Variants in MCU observed in about 807,000 individuals in gnomAD.
MCU encodes the protein calcium uniporter protein, mitochondrial.
A neutral mutation model predicts 45.2 loss-of-function variants in MCU; 12 were observed. That is an observed-to-expected ratio of 0.27 (90% CI 0.17 to 0.43). The LOEUF (loss-of-function observed/expected upper bound fraction) is 0.43. MCU is among the 20% of genes least tolerant of loss of function. MCU has a pLI of 1.00. For synonymous variants in MCU, 160 were observed against 165.1 expected (o/e 0.97, Z 0.24); for missense variants, 324 against 436.7 (o/e 0.74, Z 2.30).
In MCU at chr10:72,714,345, C is replaced by CTTTTT. The variant is rs1160353409; in HGVS notation, c.150+22063_150+22067dup. 4.7e-3 allele frequency among the ~76,000 whole-genome samples: 255 copies of CTTTTT among 54,738 alleles called. 50 individuals carry two copies. The highest frequency in any genetic ancestry group is 6.6e-3 in the Non-Finnish European group (165 of 25,178). 35.9% of individuals were successfully genotyped at this position (54,738 alleles called of 152,430 possible). A position where few individuals can be genotyped will look rare whatever the true frequency, so the allele number is the denominator to read the frequency against. ...TTACTTCAGTTCCCCCCGCCCTGGT[C>CTTTTT]TTTTTTTTTTTTTTTTTTTTTTTAA... On this transcript the variant is annotated intron_variant, in intron 1 of 7. Transcript: ENST00000373053.
intron 1 of MCU, among the ~76,000 whole-genome samples, chr10:72,754,166 T>C (rs149151324): frequency 1.2e-4 from 18 of 152,248 alleles, no homozygotes; most frequent in African/African-American, 4.1e-4. Flanking sequence ...AAGCAGTAAC[T>C]TGGGGACCTG....
At chr10:72,769,663 T>C (rs531343394) in intron 1 of MCU, among the ~76,000 whole-genome samples, 1 of 152,300 alleles carries the variant, frequency 6.6e-6, no homozygotes, top group Non-Finnish European at 1.5e-5. Context: ...GTAACCCATT[T>C]CAATGGTTTT....
intron 1 of MCU, among the ~76,000 whole-genome samples, chr10:72,777,189 A>G (rs548213141): frequency 6.6e-6 from 1 of 152,346 alleles, no homozygotes; most frequent in East Asian, 1.9e-4. Context: ...CTTCACAGAA[A>G]TAGGGAAAAA....
chr10:72,861,192 A>AT (rs1319781851), intron 4 of MCU, among the ~76,000 whole-genome samples: 2 of 151,364 alleles, frequency 1.3e-5, no homozygotes, highest in Admixed American at 1.3e-4. Context: ...TGCCTGGATA[A>AT]TTTTTTTTCT....
At chr10:72,748,086 C>T (rs908360329) in intron 1 of MCU, among the ~76,000 whole-genome samples, 73 of 149,204 alleles carry the variant, frequency 4.9e-4, no homozygotes, top group African/African-American at 1.5e-3. Flanking sequence ...CTTGCTCTGT[C>T]GCCCAGGCTG....
At chr10:72,847,545 T>C (rs1335168654) in intron 2 of MCU, among the ~76,000 whole-genome samples, 1 of 152,210 alleles carries the variant, frequency 6.6e-6, no homozygotes, top group Admixed American at 6.5e-5. Context: ...GGTTCTGTAC[T>C]ATCTGCAGCT....
chr10:72,873,038 A>G (rs1255477363), intron 6 of MCU, among the ~76,000 whole-genome samples: 12 of 45,920 alleles, frequency 2.6e-4, no homozygotes, highest in African/African-American at 1.1e-3. Context: ...TTTTTTTTTG[A>G]GATGGAGTCT....
chr10:72,781,088 A>G (rs1032127849), intron 1 of MCU, among the ~76,000 whole-genome samples: 1 of 152,218 alleles, frequency 6.6e-6, no homozygotes, highest in Non-Finnish European at 1.5e-5. Context: ...GAATTGGAAC[A>G]CTGTAGTGGG....
At chr10:72,760,320 G>C (rs1335823887) in intron 1 of MCU, among the ~76,000 whole-genome samples, 2 of 151,668 alleles carry the variant, frequency 1.3e-5, no homozygotes, top group Non-Finnish European at 2.9e-5. Flanking sequence ...CAAAGTATGG[G>C]GATTACAGGT....
At chr10:72,852,617 C>T (rs74145977) in intron 2 of MCU, among the ~76,000 whole-genome samples, 6,065 of 152,200 alleles carry the variant, frequency 0.04, 396 homozygotes, top group African/African-American at 0.14. Context: ...CAGCCTGAGG[C>T]GGCCTCTAAA....
intron 1 of MCU, among the ~76,000 whole-genome samples, chr10:72,701,463 A>G (rs900076216): frequency 5.9e-5 from 9 of 152,050 alleles, no homozygotes; most frequent in Admixed American, 1.3e-4. Context: ...CTCCTTTAGC[A>G]TGTTCTTCCT....
At chr10:72,717,418 C>T (rs1842968442) in intron 1 of MCU, among the ~76,000 whole-genome samples, 1 of 152,034 alleles carries the variant, frequency 6.6e-6, no homozygotes, top group Non-Finnish European at 1.5e-5. Context: ...GCCACCACGC[C>T]CGCTTAATTT....
At chr10:72,780,678 T>G (rs1843979125) in intron 1 of MCU, among the ~76,000 whole-genome samples, 1 of 152,088 alleles carries the variant, frequency 6.6e-6, no homozygotes, top group Non-Finnish European at 1.5e-5. Flanking sequence ...ACTCAGAGCT[T>G]CTCTCCTGCT....
intron 1 of MCU, among the ~76,000 whole-genome samples, chr10:72,812,084 CTT>C (rs34921881): frequency 1.3e-4 from 19 of 148,726 alleles, no homozygotes; most frequent in African/African-American, 2.2e-4. Flanking sequence ...GTTTATAGTG[CTT>C]TTTTTTTTTA....
intron 1 of MCU, among the ~76,000 whole-genome samples, chr10:72,785,151 C>T (rs1022935216): frequency 2.6e-5 from 4 of 152,174 alleles, no homozygotes; most frequent in Admixed American, 2.0e-4. Flanking sequence ...ATTACACAGT[C>T]GGCGAAGCAA....
intron 2 of MCU, among the ~76,000 whole-genome samples, chr10:72,845,719 A>G (rs372740271): frequency 6.6e-5 from 10 of 152,318 alleles, no homozygotes; most frequent in African/African-American, 2.4e-4. Flanking sequence ...TCACCTAATG[A>G]TGCATTTCTC....
chr10:72,787,559 G>A (rs756902561), intron 1 of MCU, among the ~76,000 whole-genome samples: 9 of 152,116 alleles, frequency 5.9e-5, no homozygotes, highest in Non-Finnish European at 1.2e-4. Context: ...ATGAGCCACC[G>A]TGGCCAGCCA....
At chr10:72,850,532 C>T (rs970619745) in intron 2 of MCU, among the ~76,000 whole-genome samples, 8 of 152,140 alleles carry the variant, frequency 5.3e-5, no homozygotes, top group Non-Finnish European at 8.8e-5. Flanking sequence ...TATATTTTTA[C>T]AAGCATTTAA....
intron 1 of MCU, chr10:72,766,934 A>G (rs768635342): frequency 4.6e-5 from 7 of 152,132 alleles, no homozygotes; most frequent in Non-Finnish European, 1.0e-4. Flanking sequence ...GTATCTTTCA[A>G]TCTTTTTAAA....
Sources: allele counts gnomAD v4.1 joint callset (sites outside exome capture counted in the v4.1 genomes callset), GRCh38; gene constraint gnomAD v4.1.1; transcripts MANE v1.5; gene names NCBI Gene and HGNC (gene_info 2026-07-23, HGNC 2026-07-21).